SLC16A7: variants seen among roughly 807,000 people sequenced by gnomAD.
SLC16A7 encodes solute carrier family 16 member 7.
Under a neutral mutation model 34.9 loss-of-function variants are expected in SLC16A7, and 33 were observed. The ratio of observed to expected loss-of-function variants is 0.94; its 90% CI spans 0.72 to 1.26. The LOEUF is 1.26. Ranked by LOEUF, SLC16A7 falls within the 50% of genes most tolerant of loss-of-function variation. The pLI is 0.00. For synonymous variants in SLC16A7, 201 were observed against 206.6 expected (o/e 0.97, Z 0.23); for missense variants, 573 against 578.1 (o/e 0.99, Z 0.09).
At chr12:59,760,417 A>G (rs778802951) in intron 3 of SLC16A7, among the ~76,000 whole-genome samples, 1 of 151,998 alleles carries the variant, frequency 6.6e-6, no homozygotes, top group Admixed American at 6.6e-5. Context: ...ATATTCAGTA[A>G]TCTCTCCTTA....
At chr12:59,670,421 C>T (rs1170826339) in intron 2 of SLC16A7, among the ~76,000 whole-genome samples, 2 of 152,116 alleles carry the variant, frequency 1.3e-5, no homozygotes, top group Non-Finnish European at 1.5e-5. Context: ...TCCACCCCCC[C>T]CACCAAATTT....
intron 2 of SLC16A7, chr12:59,664,538 A>C (rs990252709): frequency 1.3e-5 from 2 of 152,308 alleles, no homozygotes; most frequent in Middle Eastern, 6.8e-3. Flanking sequence ...CTAAACTATT[A>C]ATGTATATAG....
chr12:59,712,139 A>T (rs965950123), intron 3 of SLC16A7, among the ~76,000 whole-genome samples: 1 of 152,206 alleles, frequency 6.6e-6, no homozygotes, highest in Non-Finnish European at 1.5e-5. Context: ...ATAAACACCA[A>T]ATACGATACT....
chr12:59,684,813 T>C (rs1871022945), intron 2 of SLC16A7, among the ~76,000 whole-genome samples: 1 of 152,192 alleles, frequency 6.6e-6, no homozygotes, highest in African/African-American at 2.4e-5. Context: ...ATGCCTGGCA[T>C]TATTGATATA....
intron 1 of SLC16A7, among the ~76,000 whole-genome samples, chr12:59,616,280 G>A (rs1879445751): frequency 6.6e-6 from 1 of 152,070 alleles, no homozygotes; most frequent in Non-Finnish European, 1.5e-5. Context: ...TCATTTTGTG[G>A]AAACATTTTC....
intron 2 of SLC16A7, among the ~76,000 whole-genome samples, chr12:59,686,345 G>T (rs563363676): frequency 1.3e-5 from 2 of 151,910 alleles, no homozygotes; most frequent in Non-Finnish European, 2.9e-5. Context: ...TCTGCACTGT[G>T]TTTTTTACAA....
Position 59,596,569 on chromosome 12 carries a change from C to A in SLC16A7, c.-130+333C>A, listed in dbSNP as rs77518041. Among the ~76,000 whole-genome samples, 28,075 of 151,854 alleles carry A rather than the reference C, an allele frequency of 0.18. 2,791 individuals are homozygous for A. The highest frequency in any genetic ancestry group is 0.21 in the Non-Finnish European group (14,133 of 67,902). ...GGTGCTCACGCTCTCGGCTTTTACA[C>A]CGAGACTCAGCGTGGCGCGGTGCAC... On this transcript the variant is annotated intron_variant, in intron 1 of 5. Transcript: ENST00000547379. This position sits in a 1 kb window ranked among gnomAD's most constrained non-coding sequence, Gnocchi z 5.0.
intron 1 of SLC16A7, among the ~76,000 whole-genome samples, chr12:59,621,835 T>C (rs1202147130): frequency 1.3e-5 from 2 of 151,894 alleles, no homozygotes; most frequent in Non-Finnish European, 2.9e-5. Flanking sequence ...GTAATACTTA[T>C]TCATGAATTC....
chr12:59,597,114 G>A (rs983744478), intron 1 of SLC16A7: 1 of 152,132 alleles, frequency 6.6e-6, no homozygotes, highest in Non-Finnish European at 1.5e-5. Context: ...CTACTTCCGC[G>A]AAAAGGATTG....
intron 3 of SLC16A7, among the ~76,000 whole-genome samples, chr12:59,765,827 G>A (rs536008646): frequency 1.8e-3 from 277 of 152,130 alleles, no homozygotes; most frequent in Non-Finnish European, 3.2e-3. Flanking sequence ...CTCTTTTTTC[G>A]TTCCATATGA....
At chr12:59,614,820 C>G (rs1419010985) in intron 1 of SLC16A7, among the ~76,000 whole-genome samples, 1 of 94,044 alleles carries the variant, frequency 1.1e-5, no homozygotes, top group Non-Finnish European at 2.1e-5. Context: ...AACCCCATTC[C>G]TACTAAAAAA....
Position 59,782,116 on chromosome 12 carries a change from C to T in SLC16A7, c.*2437C>T, listed in dbSNP as rs1020226406. The T allele has an allele frequency of 6.6e-6, 1 of 152,184 alleles. No homozygotes were observed. The highest frequency in any genetic ancestry group is 2.4e-5 in the African/African-American group (1 of 41,458). The allele number at this position is 152,184 out of a possible 1,614,324, so 9.4% of individuals were successfully genotyped here. A position where few individuals can be genotyped will look rare whatever the true frequency, so the allele number is the denominator to read the frequency against. ...GTTAGAAAAGAAAGTAAAACTTGCA[C>T]ATTCAAAGCACATGATTTGTACAGT... On this transcript the variant is annotated 3_prime_UTR_variant, in exon 6 of 6. Transcript: ENST00000547379.
At chr12:59,625,010 C>T (rs1354016994) in intron 1 of SLC16A7, among the ~76,000 whole-genome samples, 3 of 151,722 alleles carry the variant, frequency 2.0e-5, no homozygotes, top group South Asian at 2.1e-4. Flanking sequence ...CATCTGGTTT[C>T]CCCTTTCAGT....
intron 1 of SLC16A7, among the ~76,000 whole-genome samples, chr12:59,617,246 A>G (rs1422736513): frequency 6.6e-6 from 1 of 152,012 alleles, no homozygotes; most frequent in Non-Finnish European, 1.5e-5. Context: ...CCTTCTTATT[A>G]AATATATGCA....
intron 3 of SLC16A7, among the ~76,000 whole-genome samples, chr12:59,763,415 G>A (rs1881224262): frequency 6.6e-6 from 1 of 152,050 alleles, no homozygotes; most frequent in Non-Finnish European, 1.5e-5. Flanking sequence ...TCTGTGGACT[G>A]ACAATTCACT....
At chr12:59,614,824 TA>T (rs71448588) in intron 1 of SLC16A7, among the ~76,000 whole-genome samples, 359 of 35,750 alleles carry the variant, frequency 0.01, no homozygotes, top group African/African-American at 0.028. Flanking sequence ...CCATTCCTAC[TA>T]AAAAAAAAAA....
At chr12:59,778,916 A>ATTCT (rs1190071662) in intron 5 of SLC16A7, among the ~76,000 whole-genome samples, 3 of 152,110 alleles carry the variant, frequency 2.0e-5, no homozygotes, top group African/African-American at 7.2e-5. Context: ...TACAGATAAA[A>ATTCT]TTCTTAGGCT....
intron 5 of SLC16A7, 21 bp downstream of exon 5, chr12:59,775,496 G>A (rs777572394): frequency 7.6e-6 from 12 of 1,569,464 alleles, no homozygotes; most frequent in Non-Finnish European, 1.1e-5. Flanking sequence ...TTTTCATCAA[G>A]GAAAATGTAA....
At chr12:59,697,613 A>T (rs1468825459) in intron 2 of SLC16A7, among the ~76,000 whole-genome samples, 1 of 151,446 alleles carries the variant, frequency 6.6e-6, no homozygotes, top group East Asian at 1.9e-4. Context: ...TTTACTTTTC[A>T]TTTAGGATGT....
Sources: allele counts gnomAD v4.1 joint callset (sites outside exome capture counted in the v4.1 genomes callset), GRCh38; gene constraint gnomAD v4.1.1; non-coding constraint Gnocchi (gnomAD v3.1); transcripts MANE v1.5; gene names NCBI Gene and HGNC (gene_info 2026-07-23, HGNC 2026-07-21).